Variants in FHIP1A observed in about 807,000 individuals in gnomAD.
The protein encoded by FHIP1A is FHF complex subunit HOOK-interacting protein 1A.
FHIP1A carries 61 observed loss-of-function variants against 88.6 expected under a neutral mutation model. The observed-to-expected ratio is 0.69, with a 90% CI of 0.56 to 0.85. The LOEUF (loss-of-function observed/expected upper bound fraction) is 0.85. FHIP1A is among the 40% of genes least tolerant of loss of function. The pLI is 0.00. For missense variants in FHIP1A, 1,154 were observed against 1,273.5 expected (o/e 0.91, Z 1.43); for synonymous variants, 478 against 496.0 (o/e 0.96, Z 0.48).
In FHIP1A at chr4:151,649,567, C is replaced by T; in HGVS notation, c.1526C>T (p.Thr509Ile). 1 of 1,551,702 alleles carries T rather than the reference C, an allele frequency of 6.4e-7. No homozygotes were observed. The highest frequency in any genetic ancestry group is 8.7e-7 in the Non-Finnish European group (1 of 1,146,976). ...CTGCAGTACCTGTGGGAGGCCCACACCAACATCCTCCGCTGCATGAGGGAC... is the reference window on the plus strand; with the variant it reads ...CTGCAGTACCTGTGGGAGGCCCACATCAACATCCTCCGCTGCATGAGGGAC... The part of the protein sequence containing the change: ...SYLQYLWEAH[T>I]NILRCMRDCR... Residue 509 changes from threonine to isoleucine, a missense_variant, in exon 11 of 14, where the codon ACC becomes ATC. Coordinates refer to ENST00000435205, the MANE Select transcript of FHIP1A (RefSeq NM_001109977.3).
At chr4:151,448,712 A>C (rs1213127504) in intron 1 of FHIP1A, among the ~76,000 whole-genome samples, 1 of 152,162 alleles carries the variant, frequency 6.6e-6, no homozygotes, top group Non-Finnish European at 1.5e-5. Context: ...ATCGATGGGC[A>C]CTTGGGTTTC....
At chr4:151,525,914 G>C (rs1731613651) in intron 3 of FHIP1A, among the ~76,000 whole-genome samples, 1 of 151,940 alleles carries the variant, frequency 6.6e-6, no homozygotes, top group Admixed American at 6.6e-5. Flanking sequence ...GCCTTCCGCA[G>C]TGTTTGTGTC....
intron 8 of FHIP1A, among the ~76,000 whole-genome samples, chr4:151,635,230 T>C (rs989565008): frequency 1.3e-5 from 2 of 151,884 alleles, no homozygotes; most frequent in African/African-American, 4.8e-5. Context: ...AAAATTAGTG[T>C]TGGTGAGAAT....
chr4:151,446,024 G>A (rs1408318070), intron 1 of FHIP1A, among the ~76,000 whole-genome samples: 10 of 151,798 alleles, frequency 6.6e-5, no homozygotes, highest in Non-Finnish European at 1.2e-4. Context: ...AAACCTAGGA[G>A]TGGAATTGCT....
Position 151,609,113 on chromosome 4 carries a change from T to C in FHIP1A, c.978+20187T>C, listed in dbSNP as rs571677851. Among the ~76,000 whole-genome samples the C allele has an allele frequency of 3.3e-5, 5 of 152,266 alleles. No individual in the cohort carries two copies. In the South Asian group the frequency reaches 1.0e-3, roughly 32 times the overall value. ...AGTGATTTCGATACCATAAAACTTT[T>C]TTCGAATGGAAATGTTATCAGCTTG... is the stretch of plus-strand genomic sequence containing the variant. On this transcript the variant is annotated intron_variant, in intron 7 of 13. Transcript: ENST00000435205.
intron 4 of FHIP1A, among the ~76,000 whole-genome samples, chr4:151,570,422 T>G (rs1462683124): frequency 1.3e-5 from 2 of 152,136 alleles, no homozygotes; most frequent in Non-Finnish European, 2.9e-5. Context: ...ATTCTATCAC[T>G]CTTACACCAA....
chr4:151,641,298 G>A (rs1736578822), intron 9 of FHIP1A, among the ~76,000 whole-genome samples: 2 of 152,182 alleles, frequency 1.3e-5, no homozygotes, highest in Admixed American at 1.3e-4. Flanking sequence ...AGAAACCACT[G>A]GCTCCTGGTA....
chr4:151,642,152 C>T (rs1175132762), intron 9 of FHIP1A, among the ~76,000 whole-genome samples: 4 of 152,148 alleles, frequency 2.6e-5, no homozygotes, highest in Admixed American at 1.3e-4. Context: ...TCCACCTCCA[C>T]GGATATGACA....
intron 1 of FHIP1A, among the ~76,000 whole-genome samples, chr4:151,414,151 A>G (rs959221611): frequency 6.6e-6 from 1 of 151,992 alleles, no homozygotes; most frequent in Admixed American, 6.5e-5. Flanking sequence ...TCCAGGTCCA[A>G]GTGATTCTCT....
At chr4:151,540,080 A>G (rs1165022551) in intron 3 of FHIP1A, among the ~76,000 whole-genome samples, 7 of 152,252 alleles carry the variant, frequency 4.6e-5, no homozygotes, top group Non-Finnish European at 8.8e-5. Flanking sequence ...CTGTACTTAA[A>G]GAAATAGCCT....
chr4:151,440,722 C>T (rs531537265), intron 1 of FHIP1A, among the ~76,000 whole-genome samples: 11 of 152,078 alleles, frequency 7.2e-5, no homozygotes, highest in Non-Finnish European at 1.3e-4. Context: ...TGGCCAACTG[C>T]CCAGGAAATT....
chr4:151,509,282 C>A (rs1180289240), intron 3 of FHIP1A, among the ~76,000 whole-genome samples: 3 of 152,136 alleles, frequency 2.0e-5, no homozygotes, highest in African/African-American at 7.2e-5. Flanking sequence ...CCTGCCTCAG[C>A]CTCCCAAGTA....
chr4:151,647,542 T>G (rs971450034), intron 10 of FHIP1A, among the ~76,000 whole-genome samples: 3 of 152,192 alleles, frequency 2.0e-5, no homozygotes, highest in Non-Finnish European at 4.4e-5. Flanking sequence ...TAAAGTGTAT[T>G]TAAAAGCTGG....
rs1490226449 is a variant in FHIP1A, at chr4:151,578,706, A to G, written c.732+630A>G. ...GTTTGGCAGTTTCTTACTAAACTAA[A>G]CATACTCTTGCCATGTGGTCCAGCA... On this transcript the variant is annotated intron_variant, in intron 5 of 13. Transcript: ENST00000435205. Among the ~76,000 whole-genome samples, 6 of 152,148 alleles carry G rather than the reference A, an allele frequency of 3.9e-5. No individual in the cohort carries two copies. The East Asian group carries it at 1.2e-3, about 29-fold the overall frequency.
At position 151,629,837 on chromosome 4, in the gene FHIP1A, A is replaced by C; in HGVS notation, c.1114A>C (p.Thr372Pro). Reference sequence around the variant, plus strand: ...GCACGAGAATGTCCACATCCTAGACACTCTCACGAGTCGAATCAACACCCC... The same window carrying C: ...GCACGAGAATGTCCACATCCTAGACCCTCTCACGAGTCGAATCAACACCCC... ...HQHENVHILDTLTSRINTPFR... is the reference protein window; with the variant it reads ...HQHENVHILDPLTSRINTPFR... Residue 372 changes from threonine (T) to proline (P), a missense_variant, in exon 8 of 14, where the codon ACT (threonine) becomes CCT (proline). Transcript: ENST00000435205. The C allele has an allele frequency of 6.4e-7, 1 of 1,551,198 alleles. No homozygotes were observed. Among genetic ancestry groups the C allele is most frequent in the Non-Finnish European group, 8.7e-7 (1 of 1,146,748 alleles).
intron 13 of FHIP1A, among the ~76,000 whole-genome samples, chr4:151,657,325 AGT>A (rs1737282802): frequency 6.6e-6 from 1 of 152,196 alleles, no homozygotes; most frequent in Admixed American, 6.5e-5. Context: ...GCCAAAAATA[AGT>A]GTGCTTTAGG....
chr4:151,574,846 A>G (rs556458412), intron 4 of FHIP1A, among the ~76,000 whole-genome samples: 43 of 152,252 alleles, frequency 2.8e-4, no homozygotes, highest in African/African-American at 9.9e-4. Flanking sequence ...TGATGGGTCT[A>G]TTGTATGGTG....
At chr4:151,445,523 A>G (rs1728566781) in intron 1 of FHIP1A, among the ~76,000 whole-genome samples, 1 of 151,970 alleles carries the variant, frequency 6.6e-6, no homozygotes, top group Non-Finnish European at 1.5e-5. Flanking sequence ...ATTGATTCTG[A>G]TGACAACCAG....
rs998385770 is a variant in FHIP1A at position 151,665,002 on chromosome 4, G to T, written c.*2248G>T. ...TTTATTATTTTATTTTTTTGAGACA[G>T]GATCTTGCGCTGCCTGGGCTAGAGT... On this transcript the variant is annotated 3_prime_UTR_variant, in exon 14 of 14. Coordinates refer to ENST00000435205, the MANE Select transcript of FHIP1A (RefSeq NM_001109977.3). Among the ~76,000 whole-genome samples the T allele has an allele frequency of 4.3e-4, 65 of 152,018 alleles. No individual in the cohort carries two copies. The highest frequency in any genetic ancestry group is 1.5e-3 in the African/African-American group (62 of 41,372).
Sources: gnomAD v4.1 joint callset for allele counts (sites outside exome capture counted in the v4.1 genomes callset) on GRCh38, gnomAD v4.1.1 for gene constraint, MANE v1.5 for transcripts, NCBI Gene and HGNC (gene_info 2026-07-23, HGNC 2026-07-21) for gene names.